RAB2A: variants seen among roughly 807,000 people sequenced by gnomAD.
RAB2A encodes RAB2A, member RAS oncogene family, also known as ras-related protein Rab-2A.
Under a neutral mutation model 32.5 loss-of-function variants are expected in RAB2A, and 7 were observed. The observed-to-expected ratio is 0.22, with a 90% confidence interval of 0.12 to 0.40. The LOEUF is 0.40. RAB2A is among the 10% of genes least tolerant of loss of function. RAB2A has a pLI of 1.00. For missense variants in RAB2A, 108 were observed against 260.7 expected (o/e 0.41, Z 4.03); for synonymous variants, 79 against 85.2 (o/e 0.93, Z 0.40).
In RAB2A at chr8:60,558,758, C is replaced by T. The variant is rs1534848; in HGVS notation, c.47-94C>T. 6.8e-5 allele frequency: 70 copies of T among 1,036,624 alleles called. No homozygotes were observed. In the African/African-American group the frequency reaches 9.5e-4, roughly 14 times the overall value. 64.2% of individuals were successfully genotyped at this position (1,036,624 alleles called of 1,614,324 possible). On this transcript the variant is annotated intron_variant, in intron 1 of 7. Transcript: ENST00000262646. Reference sequence around the variant, plus strand: ...TCATGGTAGATTATTCACAGTGCACCAGAAACCCTGGCTGCCTCTTTTCCA... The same window carrying T: ...TCATGGTAGATTATTCACAGTGCACTAGAAACCCTGGCTGCCTCTTTTCCA...
At chr8:60,597,657 A>G (rs1804052242) in intron 6 of RAB2A, among the ~76,000 whole-genome samples, 1 of 152,340 alleles carries the variant, frequency 6.6e-6, no homozygotes, top group Middle Eastern at 3.4e-3. Context: ...AAAATAAACC[A>G]TAAAAAAGAA....
chr8:60,523,671 G>T (rs1366428195), intron 1 of RAB2A, among the ~76,000 whole-genome samples: 1 of 150,772 alleles, frequency 6.6e-6, no homozygotes, highest in African/African-American at 2.4e-5. Flanking sequence ...CAATTTAGAT[G>T]ATATACTTTT....
intron 1 of RAB2A, among the ~76,000 whole-genome samples, chr8:60,527,817 C>T (rs1807415998): frequency 6.6e-6 from 1 of 152,034 alleles, no homozygotes; most frequent in Non-Finnish European, 1.5e-5. Context: ...CTTCTGATTC[C>T]TCTTAAAAAT....
intron 1 of RAB2A, among the ~76,000 whole-genome samples, chr8:60,535,265 G>C (rs1807540371): frequency 6.6e-6 from 1 of 152,224 alleles, no homozygotes; most frequent in African/African-American, 2.4e-5. Context: ...TATGGAGGTA[G>C]TTGAATGAAG....
At chr8:60,562,333 C>T (rs1356897896) in intron 2 of RAB2A, among the ~76,000 whole-genome samples, 1 of 152,150 alleles carries the variant, frequency 6.6e-6, no homozygotes, top group Admixed American at 6.5e-5. Flanking sequence ...AGGATTAGTC[C>T]TCCTAAAAAG....
Position 60,551,582 on chromosome 8 carries a change from A to G in RAB2A, c.47-7270A>G, listed in dbSNP as rs144514471. Among the ~76,000 whole-genome samples the G allele has an allele frequency of 3.7e-4, 56 of 152,362 alleles. 2 individuals are homozygous for G. In the East Asian group the frequency reaches 0.011, roughly 29 times the overall value. ...AAACTGAGGCACTAAAAAGATAACTACAGATGGTCTCTGTCTTTTGATGGT... is the reference window on the plus strand; with the variant it reads ...AAACTGAGGCACTAAAAAGATAACTGCAGATGGTCTCTGTCTTTTGATGGT... On this transcript the variant is annotated intron_variant, in intron 1 of 7. Coordinates refer to ENST00000262646, the MANE Select transcript of RAB2A (RefSeq NM_002865.3).
At chr8:60,559,210 G>T (rs1807983326) in intron 2 of RAB2A, 1 of 275,026 alleles carries the variant, frequency 3.6e-6, no homozygotes, top group African/African-American at 2.2e-5. Flanking sequence ...AGCATGGTAA[G>T]AGCAGAAACT....
At chr8:60,528,616 ATT>A (rs1807428248) in intron 1 of RAB2A, among the ~76,000 whole-genome samples, 1 of 151,762 alleles carries the variant, frequency 6.6e-6, no homozygotes, top group Admixed American at 6.6e-5. Flanking sequence ...TGGCGTTTTT[ATT>A]TGTTTGCATC....
chr8:60,537,604 A>C (rs1476558173), intron 1 of RAB2A, among the ~76,000 whole-genome samples: 1 of 152,206 alleles, frequency 6.6e-6, no homozygotes, highest in Admixed American at 6.5e-5. Context: ...TGTCTAAAAA[A>C]CATCACACCA....
intron 1 of RAB2A, among the ~76,000 whole-genome samples, chr8:60,551,448 C>G (rs1242706255): frequency 6.6e-6 from 1 of 152,108 alleles, no homozygotes; most frequent in African/African-American, 2.4e-5. Flanking sequence ...TTTTTTGAAA[C>G]TTTACTATGT....
At chr8:60,529,009 A>C (rs1052238045) in intron 1 of RAB2A, among the ~76,000 whole-genome samples, 6 of 152,218 alleles carry the variant, frequency 3.9e-5, no homozygotes, top group African/African-American at 1.4e-4. Context: ...AAAACAGTGT[A>C]ACAGATCTTG....
chr8:60,574,805 A>T (rs1017110840), intron 3 of RAB2A, among the ~76,000 whole-genome samples: 1 of 152,192 alleles, frequency 6.6e-6, no homozygotes, highest in Admixed American at 6.5e-5. Context: ...TATGCTGGAC[A>T]GTATGAGAAA....
chr8:60,588,092 G>T (rs1463653333), intron 5 of RAB2A, among the ~76,000 whole-genome samples: 1 of 152,134 alleles, frequency 6.6e-6, no homozygotes, highest in Non-Finnish European at 1.5e-5. Flanking sequence ...GGGCAATGTA[G>T]GGAGACTTCT....
chr8:60,553,509 T>C (rs1178821700), intron 1 of RAB2A, among the ~76,000 whole-genome samples: 1 of 152,208 alleles, frequency 6.6e-6, no homozygotes, highest in East Asian at 1.9e-4. Context: ...CACAGAAAAA[T>C]GCATATATAC....
At chr8:60,550,993 A>G (rs1188927403) in intron 1 of RAB2A, among the ~76,000 whole-genome samples, 1 of 152,122 alleles carries the variant, frequency 6.6e-6, no homozygotes, top group African/African-American at 2.4e-5. Flanking sequence ...TTGGTGTGGA[A>G]TAATACTCTT....
At chr8:60,561,160 G>A (rs1386741229) in intron 2 of RAB2A, among the ~76,000 whole-genome samples, 7 of 152,128 alleles carry the variant, frequency 4.6e-5, no homozygotes, top group Admixed American at 4.6e-4. Context: ...CCTGCTGTTT[G>A]TAATCTCTGG....
intron 7 of RAB2A, among the ~76,000 whole-genome samples, chr8:60,620,122 C>G (rs536283610): frequency 1.2e-4 from 19 of 152,330 alleles, no homozygotes; most frequent in African/African-American, 4.3e-4. Flanking sequence ...TAGGTAAAAT[C>G]CACTTGAGGG....
At chr8:60,547,883 A>C (rs1243256344) in intron 1 of RAB2A, among the ~76,000 whole-genome samples, 3 of 93,756 alleles carry the variant, frequency 3.2e-5, no homozygotes, top group African/African-American at 4.5e-5. Flanking sequence ...CGGGGGGCTG[A>C]CCCCCCTACC....
chr8:60,603,240 A>G (rs186952424), intron 6 of RAB2A, among the ~76,000 whole-genome samples: 5 of 152,230 alleles, frequency 3.3e-5, no homozygotes, highest in Non-Finnish European at 7.3e-5. Context: ...TAAATGGCAC[A>G]TTGATGATGT....
Sources: gnomAD v4.1 joint callset for allele counts (sites outside exome capture counted in the v4.1 genomes callset) on GRCh38, gnomAD v4.1.1 for gene constraint, MANE v1.5 for transcripts, NCBI Gene and HGNC (gene_info 2026-07-23, HGNC 2026-07-21) for gene names.